The following TEX10 variants were observed in gnomAD, a reference collection of about 807,000 sequenced individuals.
TEX10 encodes the protein testis expressed 10.
Under a neutral mutation model 104.4 loss-of-function variants are expected in TEX10, and 24 were observed. The ratio of observed to expected loss-of-function variants is 0.23; its 90% confidence interval spans 0.17 to 0.32. The LOEUF is 0.32. TEX10 is among the 10% of genes least tolerant of loss of function. TEX10 has a pLI of 1.00. For synonymous variants in TEX10, 396 were observed against 393.4 expected, an observed-to-expected ratio of 1.01 and a Z score of -0.08; for missense variants, 921 against 1,083.9, an observed-to-expected ratio of 0.85 and a Z score of 2.11.
intron 11 of TEX10, among the ~76,000 whole-genome samples, chr9:100,313,355 A>G (rs1429762011): frequency 6.6e-6 from 1 of 151,660 alleles, no homozygotes; most frequent in African/African-American, 2.4e-5. Flanking sequence ...TCTCTACTAA[A>G]TATACAAAAA....
Position 100,346,854 on chromosome 9 carries a change from A to G in TEX10, c.733T>C (p.Leu245=). 6.2e-7 allele frequency: 1 copy of G among 1,614,016 alleles called. No individual in the cohort carries two copies. Among genetic ancestry groups the G allele is most frequent in the Non-Finnish European group, 8.5e-7 (1 of 1,179,984 alleles). The part of the protein sequence containing the change: ...LQALADGSSR[L]RESEGLQEQK... ...TCCTGAAGTCCTTCACTTTCTCTCA[A>G]CCTACTGGATCCATCTGCCAAGGCC... The change falls in exon 3 of 15, where the codon TTG becomes CTG. Residue 245 remains leucine, a synonymous_variant. Coordinates refer to ENST00000374902, the MANE Select transcript of TEX10 (RefSeq NM_017746.4).
intron 4 of TEX10, among the ~76,000 whole-genome samples, chr9:100,341,310 T>C (rs1350693794): frequency 2.0e-5 from 3 of 152,188 alleles, no homozygotes; most frequent in Non-Finnish European, 4.4e-5. Flanking sequence ...TACTGGGTTC[T>C]CTTCTTCCTG....
chr9:100,347,242 T>C lies in TEX10; in HGVS notation c.345A>G (p.Arg115=). 6.2e-7 allele frequency: 1 copy of C among 1,614,176 alleles called. No individual in the cohort carries two copies. Among genetic ancestry groups the C allele is most frequent in the Admixed American group, 1.7e-5 (1 of 60,028 alleles). The stretch of plus-strand genomic sequence containing the variant: ...ATTGAAGAAGTTGAACTGCTGCTAA[T>C]CGTACATTAGCATCTTTATCTGTAA... The part of the protein sequence containing the change: ...AVFTDKDANV[R]LAAVQLLQFL... Residue 115 remains arginine, a synonymous_variant, in exon 3 of 15, where the codon CGA becomes CGG. Transcript: ENST00000374902.
chr9:100,309,569 T>C (rs1564202719), intron 12 of TEX10, among the ~76,000 whole-genome samples: 2 of 152,250 alleles, frequency 1.3e-5, no homozygotes, highest in African/African-American at 2.4e-5. Flanking sequence ...GACTGGAAGT[T>C]TGACAGCAGG....
At chr9:100,323,476 A>C (rs929166951) in intron 9 of TEX10, among the ~76,000 whole-genome samples, 2 of 152,118 alleles carry the variant, frequency 1.3e-5, no homozygotes, top group African/African-American at 4.8e-5. Context: ...CTGTTTCCCC[A>C]ATCTGGCTAT....
At chr9:100,314,933 T>C (rs1001240810) in intron 11 of TEX10, among the ~76,000 whole-genome samples, 1 of 152,208 alleles carries the variant, frequency 6.6e-6, no homozygotes, top group African/African-American at 2.4e-5. Flanking sequence ...CAATTGTTTC[T>C]AAAATGTTTT....
chr9:100,333,577 G>A (rs1422160490), intron 5 of TEX10, among the ~76,000 whole-genome samples: 9 of 151,184 alleles, frequency 6.0e-5, no homozygotes, highest in Admixed American at 4.6e-4. Context: ...AGGCTAAGGC[G>A]GGAGGATCCC....
intron 4 of TEX10, among the ~76,000 whole-genome samples, chr9:100,344,676 C>T (rs1835258607): frequency 6.6e-6 from 1 of 152,236 alleles, no homozygotes; most frequent in Admixed American, 6.5e-5. Context: ...AAAACCCCGT[C>T]TCTACTAAAA....
chr9:100,342,604 A>G (rs1835201362), intron 4 of TEX10, among the ~76,000 whole-genome samples: 1 of 152,190 alleles, frequency 6.6e-6, no homozygotes, highest in Admixed American at 6.5e-5. Flanking sequence ...ATGCCCAATA[A>G]AGCTTTGAAT....
At chr9:100,352,600 C>T in intron 1 of TEX10, 172 bp downstream of exon 1, 1 of 1,494,156 alleles carries the variant, frequency 6.7e-7, no homozygotes, top group Non-Finnish European at 8.9e-7. Flanking sequence ...CCCCGCAGTG[C>T]CGGCCGCACA....
chr9:100,330,081 C>G lies in TEX10; in HGVS notation c.1339G>C (p.Ala447Pro). The change falls in exon 6 of 15, where the codon GCG (alanine) becomes CCG (proline). Residue 447 changes from alanine (A) to proline (P), a missense_variant. Physicochemically the swap from Ala to Pro is conservative, Grantham distance 27 (BLOSUM62 -1). Coordinates refer to ENST00000374902, the MANE Select transcript of TEX10 (RefSeq NM_017746.4). ...LSDIMVSLAN[A>P]STLQKDCSWI... ...CTGCAATCCTTCTGCAAAGTTGACG[C>G]ATTTGCCAGGGAGACCATGATATCA... is the stretch of plus-strand genomic sequence containing the variant. 1.9e-6 allele frequency: 3 copies of G among 1,614,106 alleles called. No individual in the cohort carries two copies. The highest frequency in any genetic ancestry group is 1.7e-6 in the Non-Finnish European group (2 of 1,180,004).
At position 100,344,314 on chromosome 9, in the gene TEX10, A is replaced by G. The variant is rs185781995; in HGVS notation, c.1137+1758T>C. 3.1e-3 allele frequency among the ~76,000 whole-genome samples: 468 copies of G among 152,324 alleles called. 1 individual carries two copies. Among genetic ancestry groups the G allele is most frequent in the South Asian group, 1.0e-2 (48 of 4,822 alleles). On this transcript the variant is annotated intron_variant, in intron 4 of 14. Coordinates refer to ENST00000374902, the MANE Select transcript of TEX10 (RefSeq NM_017746.4). Reference sequence around the variant, plus strand: ...TTATAATAGCACAAAATAGTTCTAAAGCATACTATTTTAAATATCCATAAA... The same window carrying G: ...TTATAATAGCACAAAATAGTTCTAAGGCATACTATTTTAAATATCCATAAA...
At chr9:100,349,726 T>A (rs1265603904) in intron 1 of TEX10, among the ~76,000 whole-genome samples, 1 of 152,162 alleles carries the variant, frequency 6.6e-6, no homozygotes, top group African/African-American at 2.4e-5. Context: ...ATGTAACTTG[T>A]ATCTGCTGGT....
chr9:100,307,079 T>C (rs1834159918), intron 13 of TEX10: 1 of 152,232 alleles, frequency 6.6e-6, no homozygotes, highest in African/African-American at 2.4e-5. Context: ...TATCGTCGAA[T>C]TTATGTTATG....
Position 100,326,467 on chromosome 9 carries a change from CCTT to C in TEX10, c.1811_1813del (p.Glu604del). The C allele has an allele frequency of 6.2e-7, 1 of 1,613,178 alleles. No individual in the cohort carries two copies. Among genetic ancestry groups the C allele is most frequent in the Non-Finnish European group, 8.5e-7 (1 of 1,179,684 alleles). ...GTCTGCAGGGAGAACCACCACAGCA[CCTT>C]CTTGTGGATCTAGTGAGGTGGATAG... On this transcript the variant is annotated inframe_deletion, in exon 9 of 15. Coordinates refer to ENST00000374902, the MANE Select transcript of TEX10 (RefSeq NM_017746.4).
Position 100,347,191 on chromosome 9 carries a change from T to G in TEX10, c.396A>C (p.Glu132Asp). The G allele has an allele frequency of 6.2e-7, 1 of 1,614,074 alleles. No homozygotes were observed. The highest frequency in any genetic ancestry group is 1.1e-5 in the South Asian group (1 of 91,074). Residue 132 changes from glutamate (E) to aspartate (D), a missense_variant, in exon 3 of 15, where the codon GAA (glutamate) becomes GAC (aspartate). Glu to Asp is a conservative substitution (Grantham distance 45). Coordinates refer to ENST00000374902, the MANE Select transcript of TEX10 (RefSeq NM_017746.4). ...LQFLAPKIRA[E>D]QISPFFPLVS... is the part of the protein sequence containing the mutation. ...CCAAAGGAAAAAATGGAGAAATTTG[T>G]TCAGCTCGTATTTTGGGGGCCAGGA...
At chr9:100,306,849 G>A (rs1439992076) in intron 13 of TEX10, 2 of 152,148 alleles carry the variant, frequency 1.3e-5, no homozygotes, top group Non-Finnish European at 2.9e-5. Flanking sequence ...TGAAGTCAAA[G>A]GATGTTTCTC....
chr9:100,352,941 G>A lies in TEX10; in HGVS notation c.-179C>T, dbSNP rs1835503755. The A allele has an allele frequency of 1.0e-6, 1 of 991,880 alleles. No homozygotes were observed. Among genetic ancestry groups the A allele is most frequent in the Non-Finnish European group, 1.2e-6 (1 of 834,846 alleles). 61.4% of individuals were successfully genotyped at this position (991,880 alleles called of 1,614,324 possible). A position where few individuals can be genotyped will look rare whatever the true frequency, so the allele number is the denominator to read the frequency against. ...GTCTCCTTCCGCCGCCCGGAAATCAGGGCCCCTCCCCCTCCCTGCTGTGCT... is the reference window on the plus strand; with the variant it reads ...GTCTCCTTCCGCCGCCCGGAAATCAAGGCCCCTCCCCCTCCCTGCTGTGCT... On this transcript the variant is annotated 5_prime_UTR_variant, in exon 1 of 15. Transcript: ENST00000374902.
intron 10 of TEX10, 113 bp downstream of exon 10, chr9:100,321,570 A>G (rs2118865430): frequency 2.5e-6 from 2 of 795,308 alleles, no homozygotes; most frequent in East Asian, 2.6e-5. Flanking sequence ...CCAAGATAGA[A>G]TATTTATCAT....
Sources: gnomAD v4.1 joint callset for allele counts (sites outside exome capture counted in the v4.1 genomes callset) on GRCh38, gnomAD v4.1.1 for gene constraint, MANE v1.5 for transcripts, NCBI Gene and HGNC (gene_info 2026-07-23, HGNC 2026-07-21) for gene names.